The following FLYWCH2 variants were observed in gnomAD, a reference collection of about 807,000 sequenced individuals.
FLYWCH2 encodes the protein FLYWCH family member 2.
FLYWCH2 carries 2 observed loss-of-function variants against 6.0 expected under a neutral mutation model. That is an observed-to-expected ratio of 0.33 (90% CI 0.14 to 1.04). FLYWCH2 has a LOEUF of 1.04. Among genes scored for constraint, FLYWCH2 ranks in the 50% least tolerant of loss-of-function variants. The pLI is 0.45. For synonymous variants in FLYWCH2, 87 were observed against 79.3 expected (o/e 1.10, Z -0.52); for missense variants, 192 against 183.4 (o/e 1.05, Z -0.27).
At chr16:2,895,034 G>T (rs952165805) in intron 1 of FLYWCH2, among the ~76,000 whole-genome samples, 186 bp from the exon 2 acceptor site, 1 of 152,116 alleles carries the variant, frequency 6.6e-6, no homozygotes. Flanking sequence ...GCAGTCTTGT[G>T]TCTAGGCTAA....
At chr16:2,895,812 C>G (rs930977427) in intron 2 of FLYWCH2, among the ~76,000 whole-genome samples, 2 of 152,224 alleles carry the variant, frequency 1.3e-5, no homozygotes, top group African/African-American at 4.8e-5. Flanking sequence ...AGCTCTGATG[C>G]TTGGTGCCCA....
chr16:2,891,661 C>A (rs892539735), intron 1 of FLYWCH2, among the ~76,000 whole-genome samples: 5 of 151,676 alleles, frequency 3.3e-5, no homozygotes, highest in African/African-American at 7.3e-5. Flanking sequence ...CGCCTTGCCT[C>A]CCAAAGTGCT....
At chr16:2,896,976 C>T (rs990069544) in intron 3 of FLYWCH2, 6 of 605,336 alleles carry the variant, frequency 9.9e-6, no homozygotes, top group African/African-American at 5.6e-5. Context: ...GCGGCCTTGC[C>T]TCTCTGTGTC....
intron 3 of FLYWCH2, chr16:2,898,794 C>T (rs2069850584): frequency 2.6e-6 from 1 of 379,858 alleles, no homozygotes; most frequent in Admixed American, 4.7e-5. Flanking sequence ...GAGGCGATGG[C>T]TGCGGCTTCC....
chr16:2,894,855 C>A (rs2069800071), intron 1 of FLYWCH2, among the ~76,000 whole-genome samples: 1 of 152,140 alleles, frequency 6.6e-6, no homozygotes, highest in South Asian at 2.1e-4. Context: ...TTAGAAAAAG[C>A]GCCAGGGTGC....
chr16:2,883,914 C>T (rs2069668417), intron 1 of FLYWCH2, among the ~76,000 whole-genome samples: 1 of 152,232 alleles, frequency 6.6e-6, no homozygotes, highest in African/African-American at 2.4e-5. Flanking sequence ...GAAGGAGCTG[C>T]CATGGCTGAA....
chr16:2,889,133 TG>T (rs111450930), intron 1 of FLYWCH2, among the ~76,000 whole-genome samples: 81,952 of 150,650 alleles, frequency 0.54, 23,017 homozygotes, highest in African/African-American at 0.63. Flanking sequence ...GGTGTTTTTT[TG>T]TTGTTGTTGT....
intron 1 of FLYWCH2, among the ~76,000 whole-genome samples, chr16:2,891,183 G>T (rs1567304235): frequency 6.6e-6 from 1 of 152,174 alleles, no homozygotes; most frequent in Non-Finnish European, 1.5e-5. Context: ...TCTGGACCAG[G>T]CCTCCATCTC....
At chr16:2,889,616 T>G (rs969152406) in intron 1 of FLYWCH2, among the ~76,000 whole-genome samples, 1 of 151,884 alleles carries the variant, frequency 6.6e-6, no homozygotes, top group African/African-American at 2.4e-5. Context: ...GATAAAATAG[T>G]TAATGTTTTG....
At position 2,896,653 on chromosome 16, in the gene FLYWCH2, G is replaced by T. The variant is rs1469193793; in HGVS notation, c.204G>T (p.Leu68=). ...KRKGVHCVMS[L]GVPGPATLAK... Reference sequence around the variant, plus strand: ...AGGGTGTGCACTGTGTCATGTCCCTGGGGGTGCCCGGCCCCGCCACCCTTG... The same window carrying T: ...AGGGTGTGCACTGTGTCATGTCCCTTGGGGTGCCCGGCCCCGCCACCCTTG... Residue 68 remains leucine (L), a synonymous_variant, in exon 3 of 4, where the codon CTG becomes CTT. Transcript: ENST00000396958. 2 of 1,613,440 alleles carry T rather than the reference G, an allele frequency of 1.2e-6. No individual in the cohort carries two copies. Among genetic ancestry groups the T allele is most frequent in the Non-Finnish European group, 1.7e-6 (2 of 1,179,888 alleles).
chr16:2,883,373 A>T lies in FLYWCH2; in HGVS notation c.-200+7A>T, dbSNP rs954085669. The T allele has an allele frequency of 2.0e-5, 3 of 151,934 alleles. No individual in the cohort carries two copies. The highest frequency in any genetic ancestry group is 7.3e-5 in the African/African-American group (3 of 41,286). 9.4% of individuals were successfully genotyped at this position (151,934 alleles called of 1,614,324 possible). On this transcript the variant is annotated splice_region_variant and intron_variant, in intron 1 of 3. Coordinates refer to ENST00000396958, the MANE Select transcript of FLYWCH2 (RefSeq NM_138439.3). ...GAGGGCACCGCTGTCGTCGGTGAGGACGGGCCCTGGCGGGCGGGGAGGGTC... is the reference window on the plus strand; with the variant it reads ...GAGGGCACCGCTGTCGTCGGTGAGGTCGGGCCCTGGCGGGCGGGGAGGGTC...
chr16:2,892,543 G>A (rs2069770076), intron 1 of FLYWCH2, among the ~76,000 whole-genome samples: 1 of 147,034 alleles, frequency 6.8e-6, no homozygotes, highest in Non-Finnish European at 1.5e-5. Flanking sequence ...TTATAAAGGA[G>A]ACAGATGAAA....
chr16:2,894,713 C>A (rs1354282117), intron 1 of FLYWCH2, among the ~76,000 whole-genome samples: 1 of 152,210 alleles, frequency 6.6e-6, no homozygotes, highest in East Asian at 1.9e-4. Context: ...GAGAAGGTGC[C>A]CCTGGGGTGG....
At position 2,884,575 on chromosome 16, in the gene FLYWCH2, AAAT is replaced by A. The variant is rs1446692034; in HGVS notation, c.-200+1211_-200+1213del. Reference sequence around the variant, plus strand: ...GTCTCTACTAAAAAAAAAAAAAAAAAAATACAAAAATTAGTCGGGGCCGGCGCG... The same window carrying A: ...GTCTCTACTAAAAAAAAAAAAAAAAAACAAAAATTAGTCGGGGCCGGCGCG... On this transcript the variant is annotated intron_variant, in intron 1 of 3. Transcript: ENST00000396958. Among the ~76,000 whole-genome samples the A allele has an allele frequency of 1.0e-4, 15 of 143,890 alleles. 1 individual carries two copies. Among genetic ancestry groups the A allele is most frequent in the Non-Finnish European group, 1.7e-4 (11 of 65,652 alleles). 94.4% of individuals were successfully genotyped at this position (143,890 alleles called of 152,430 possible). A position where few individuals can be genotyped will look rare whatever the true frequency, so the allele number is the denominator to read the frequency against.
chr16:2,896,409 G>C lies in FLYWCH2; in HGVS notation c.-41G>C. The stretch of plus-strand genomic sequence containing the variant: ...GGGAGTAGGAGAAATCCACCTGCTG[G>C]GGGCTGAGTGTGGCCTGAGGGACAG... On this transcript the variant is annotated 5_prime_UTR_variant, in exon 3 of 4. Coordinates refer to ENST00000396958, the MANE Select transcript of FLYWCH2 (RefSeq NM_138439.3). 6.4e-7 allele frequency: 1 copy of C among 1,562,402 alleles called. No individual in the cohort carries two copies.
chr16:2,885,821 T>C (rs912163237), intron 1 of FLYWCH2, among the ~76,000 whole-genome samples: 2 of 152,162 alleles, frequency 1.3e-5, no homozygotes, highest in Non-Finnish European at 2.9e-5. Context: ...TGGACATGTG[T>C]TTTCCTTTCT....
At chr16:2,895,610 G>A (rs901001997) in intron 2 of FLYWCH2, among the ~76,000 whole-genome samples, 1 of 152,202 alleles carries the variant, frequency 6.6e-6, no homozygotes, top group Non-Finnish European at 1.5e-5. Context: ...GCGAGACTCC[G>A]TCTCCAAAAC....
intron 1 of FLYWCH2, among the ~76,000 whole-genome samples, chr16:2,892,891 T>C (rs1423079031): frequency 3.8e-5 from 2 of 52,570 alleles, no homozygotes; most frequent in African/African-American, 1.2e-4. Flanking sequence ...TAATATATAA[T>C]GTATATATGT....
intron 1 of FLYWCH2, among the ~76,000 whole-genome samples, chr16:2,891,811 C>G (rs778807138): frequency 5.9e-5 from 9 of 152,096 alleles, no homozygotes; most frequent in Non-Finnish European, 1.3e-4. Context: ...TCCCGCCTTG[C>G]TCATGCTTCT....
Sources: gnomAD v4.1 joint callset for allele counts (sites outside exome capture counted in the v4.1 genomes callset) on GRCh38, gnomAD v4.1.1 for gene constraint, MANE v1.5 for transcripts, NCBI Gene and HGNC (gene_info 2026-07-23, HGNC 2026-07-21) for gene names.